LARGE1: variants seen among roughly 807,000 people sequenced by gnomAD.
LARGE1 encodes xylosyl- and glucuronyltransferase LARGE1.
In LARGE1, 43 loss-of-function variants were observed where a neutral mutation model predicts 87.6. The observed-to-expected ratio is 0.49, with a 90% confidence interval of 0.38 to 0.63. The LOEUF (loss-of-function observed/expected upper bound fraction) is 0.63, where lower values mean the gene tolerates loss of function less well. Among genes scored for constraint, LARGE1 ranks in the 30% least tolerant of loss-of-function variants. The pLI is 0.00. For missense variants in LARGE1, 802 were observed against 1,000.2 expected (o/e 0.80, Z 2.67); for synonymous variants, 434 against 394.6 (o/e 1.10, Z -1.18).
At position 33,369,637 on chromosome 22, in the gene LARGE1, T is replaced by C. The variant is rs530893301; in HGVS notation, c.1131+12282A>G. Among the ~76,000 whole-genome samples the C allele has an allele frequency of 2.7e-4, 41 of 152,294 alleles. No individual in the cohort carries two copies. The East Asian group carries it at 4.4e-3, about 16-fold the overall frequency. On this transcript the variant is annotated intron_variant, in intron 9 of 14. Coordinates refer to ENST00000397394, the MANE Select transcript of LARGE1 (RefSeq NM_133642.5). ...TGGAGTGCGGTGGCACGATCTAGGCTCACTGCAACCTCTGCCTCCAGGCAG... is the reference window on the plus strand; with the variant it reads ...TGGAGTGCGGTGGCACGATCTAGGCCCACTGCAACCTCTGCCTCCAGGCAG...
the LARGE1 span, among the ~76,000 whole-genome samples, chr22:33,156,571 T>C: frequency 6.6e-6 from 1 of 152,204 alleles, no homozygotes. Context: ...TGTAACCCCA[T>C]TGTATCTAGG....
chr22:33,412,162 T>C (rs1012028407), intron 7 of LARGE1, among the ~76,000 whole-genome samples: 14 of 152,240 alleles, frequency 9.2e-5, no homozygotes, highest in African/African-American at 2.9e-4. Context: ...CACGCGCTTG[T>C]AGTCCCAGCT....
intron 4 of LARGE1, among the ~76,000 whole-genome samples, chr22:33,622,590 C>T (rs2079789384): frequency 6.6e-6 from 1 of 152,208 alleles, no homozygotes; most frequent in South Asian, 2.1e-4. Flanking sequence ...GCCACTGGGT[C>T]CTGGGGTTCT....
intron 7 of LARGE1, among the ~76,000 whole-genome samples, chr22:33,421,307 T>C (rs918213903): frequency 6.6e-6 from 1 of 152,208 alleles, no homozygotes; most frequent in African/African-American, 2.4e-5. Flanking sequence ...CCATGCACTT[T>C]GAAAACATTA....
At chr22:33,766,635 G>C (rs2084909337) in intron 1 of LARGE1, among the ~76,000 whole-genome samples, 1 of 151,810 alleles carries the variant, frequency 6.6e-6, no homozygotes, top group Admixed American at 6.6e-5. Context: ...ATGTTAGCCA[G>C]GCTGGTCTCA....
chr22:33,539,942 G>A lies in LARGE1; in HGVS notation c.787+24906C>T, dbSNP rs117694042. Among the ~76,000 whole-genome samples, 471 of 152,064 alleles carry A rather than the reference G, an allele frequency of 3.1e-3. 5 individuals are homozygous for A. Among genetic ancestry groups the A allele is most frequent in the South Asian group, 0.019 (92 of 4,804 alleles). On this transcript the variant is annotated intron_variant, in intron 6 of 14. Transcript: ENST00000397394. ...ATGGGCTTTGAAGTTCTTCTGACCC[G>A]GGATAAAATTCCCAGCTCTACTGAC...
chr22:33,500,874 C>G (rs1385101378), intron 6 of LARGE1, among the ~76,000 whole-genome samples: 1 of 152,188 alleles, frequency 6.6e-6, no homozygotes, highest in Non-Finnish European at 1.5e-5. Context: ...CACAGCTAAA[C>G]TACAGGAAGG....
downstream of LARGE1, among the ~76,000 whole-genome samples, chr22:33,158,788 G>A (rs1038065861): frequency 6.6e-6 from 1 of 152,078 alleles, no homozygotes; most frequent in Admixed American, 6.6e-5. Flanking sequence ...CTGGACAAAG[G>A]GATAAATTCC....
intron 6 of LARGE1, among the ~76,000 whole-genome samples, chr22:33,535,999 C>T (rs1023951513): frequency 3.3e-5 from 5 of 152,086 alleles, no homozygotes; most frequent in South Asian, 2.1e-4. Flanking sequence ...TTTTATAATT[C>T]GCATGAAACA....
At chr22:33,313,658 C>T (rs75888737) in intron 11 of LARGE1, among the ~76,000 whole-genome samples, 1,704 of 152,254 alleles carry the variant, frequency 0.011, 17 homozygotes, top group Non-Finnish European at 0.018. Context: ...AGGAACTGAG[C>T]GTGGCTTCGA....
At chr22:33,895,677 A>T (rs1028363047) in intron 1 of LARGE1, among the ~76,000 whole-genome samples, 4 of 152,214 alleles carry the variant, frequency 2.6e-5, no homozygotes, top group African/African-American at 9.6e-5. Flanking sequence ...CTCCCCCAAC[A>T]TGCCAACTTC....
the LARGE1 span, among the ~76,000 whole-genome samples, chr22:33,071,024 A>T: frequency 3.9e-5 from 6 of 152,334 alleles, no homozygotes; most frequent in African/African-American, 1.2e-4. Context: ...AAAAAATTAA[A>T]AAAAATAAAA....
intron 11 of LARGE1, among the ~76,000 whole-genome samples, chr22:33,172,131 T>A (rs896649805): frequency 2.0e-5 from 3 of 152,264 alleles, no homozygotes; most frequent in African/African-American, 7.2e-5. Flanking sequence ...GTTTCAGACT[T>A]GCATGGGGCC....
intron 1 of LARGE1, among the ~76,000 whole-genome samples, chr22:33,834,330 C>A (rs2063053792): frequency 6.6e-6 from 1 of 152,170 alleles, no homozygotes; most frequent in Admixed American, 6.5e-5. Flanking sequence ...TCCCCTGTGA[C>A]CTGCACGTAT....
At chr22:33,200,641 A>G (rs1297221795) in intron 11 of LARGE1, among the ~76,000 whole-genome samples, 1 of 152,254 alleles carries the variant, frequency 6.6e-6, no homozygotes, top group Non-Finnish European at 1.5e-5. Context: ...TATCCATACA[A>G]CCTGGATATA....
At chr22:33,255,211 T>C (rs961767832) in intron 11 of LARGE1, among the ~76,000 whole-genome samples, 9 of 152,236 alleles carry the variant, frequency 5.9e-5, no homozygotes, top group African/African-American at 2.2e-4. Flanking sequence ...GCGCTGGGAA[T>C]ACAGGCGTGA....
At chr22:33,800,963 A>C (rs1034495433) in intron 1 of LARGE1, among the ~76,000 whole-genome samples, 4 of 152,144 alleles carry the variant, frequency 2.6e-5, no homozygotes, top group Non-Finnish European at 1.5e-5. Flanking sequence ...CTCAACTTGA[A>C]TTTTATCTCC....
At chr22:33,445,908 C>T (rs2067667825) in intron 6 of LARGE1, among the ~76,000 whole-genome samples, 1 of 152,130 alleles carries the variant, frequency 6.6e-6, no homozygotes, top group South Asian at 2.1e-4. Context: ...CCTCAGCCTC[C>T]TAAAGTGCTG....
At chr22:33,886,084 G>C (rs1221978497) in intron 1 of LARGE1, among the ~76,000 whole-genome samples, 2 of 152,090 alleles carry the variant, frequency 1.3e-5, no homozygotes, top group African/African-American at 4.8e-5. Context: ...GGGTATCACT[G>C]AATTAAAACT....
Sources: gnomAD v4.1 joint callset for allele counts (sites outside exome capture counted in the v4.1 genomes callset) on GRCh38, gnomAD v4.1.1 for gene constraint, MANE v1.5 for transcripts, NCBI Gene and HGNC (gene_info 2026-07-23, HGNC 2026-07-21) for gene names.